The following PAPOLA variants were observed in gnomAD, a reference collection of about 807,000 sequenced individuals.
The protein encoded by PAPOLA is polynucleotide adenylyltransferase alpha.
In PAPOLA, 15 loss-of-function variants were observed where a neutral mutation model predicts 100.6. The ratio of observed to expected loss-of-function variants is 0.15; its 90% CI spans 0.10 to 0.23. The LOEUF (loss-of-function observed/expected upper bound fraction) is 0.23, where lower values mean the gene tolerates loss of function less well. PAPOLA is among the 10% of genes least tolerant of loss of function. PAPOLA has a pLI of 1.00. For synonymous variants in PAPOLA, 293 were observed against 300.0 expected (o/e 0.98, Z 0.24); for missense variants, 533 against 884.2 (o/e 0.60, Z 5.04).
chr14:96,520,340 C>A, intron 2 of PAPOLA, 112 bp downstream of exon 2: 2 of 773,130 alleles, frequency 2.6e-6, no homozygotes, highest in Non-Finnish European at 4.1e-6. Context: ...TTGCCCAGAT[C>A]TATATATCTG....
At chr14:96,535,003 T>A in intron 10 of PAPOLA, 1 of 980,922 alleles carries the variant, frequency 1.0e-6, no homozygotes, top group Non-Finnish European at 1.2e-6. Context: ...TCACTTTAAT[T>A]ACCATGATGT....
Position 96,520,096 on chromosome 14 carries a change from A to C in PAPOLA, c.50A>C (p.Gln17Pro). ...TQGSQQTQPP[Q>P]KHYGITSPIS... ...GGATCACAACAAACACAACCGCCAC[A>C]GAAGCACTATGGCATTACTTCTCCT... Residue 17 changes from glutamine to proline, a missense_variant, in exon 2 of 22, where the codon CAG becomes CCG. Gln to Pro is a moderately conservative substitution (Grantham distance 76, BLOSUM62 -1). Coordinates refer to ENST00000216277, the MANE Select transcript of PAPOLA (RefSeq NM_032632.5). 4 of 1,614,064 alleles carry C rather than the reference A, an allele frequency of 2.5e-6. No homozygotes were observed. The highest frequency in any genetic ancestry group is 3.4e-6 in the Non-Finnish European group (4 of 1,179,970).
chr14:96,564,958 A>C lies in PAPOLA; in HGVS notation c.2146A>C (p.Thr716Pro). 1.3e-6 allele frequency: 2 copies of C among 1,514,234 alleles called. No homozygotes were observed. The highest frequency in any genetic ancestry group is 1.8e-6 in the Non-Finnish European group (2 of 1,089,378). The allele number at this position is 1,514,234 out of a possible 1,614,324, so 93.8% of individuals were successfully genotyped here. A position where few individuals can be genotyped will look rare whatever the true frequency, so the allele number is the denominator to read the frequency against. ...TAASLLASQK[T>P]SSTDLSDIPA... Reference sequence around the variant, plus strand: ...TGTTCTTTGCTTTCATTCTCAGAAAACATCCAGTACAGACCTTTCTGATAT... The same window carrying C: ...TGTTCTTTGCTTTCATTCTCAGAAACCATCCAGTACAGACCTTTCTGATAT... Residue 716 changes from threonine to proline, a missense_variant, in exon 22 of 22, where the codon ACA becomes CCA. Physicochemically the swap from Thr to Pro is conservative, Grantham distance 38 (BLOSUM62 -1). This residue lies in a region of PAPOLA where 242 missense variants were observed against 281.0 expected (regional missense o/e 0.86). Coordinates refer to ENST00000216277, the MANE Select transcript of PAPOLA (RefSeq NM_032632.5).
At chr14:96,539,242 G>C (rs1899782015) in intron 12 of PAPOLA, among the ~76,000 whole-genome samples, 1 of 152,086 alleles carries the variant, frequency 6.6e-6, no homozygotes, top group Non-Finnish European at 1.5e-5. Context: ...GGTGCAAGAT[G>C]ATTTTATAAT....
At chr14:96,515,943 G>T (rs1197718930) in intron 1 of PAPOLA, among the ~76,000 whole-genome samples, 1 of 152,232 alleles carries the variant, frequency 6.6e-6, no homozygotes, top group East Asian at 1.9e-4. Context: ...GCTGTCTGGT[G>T]TATGGTTCCA....
intron 17 of PAPOLA, chr14:96,552,860 T>C (rs1595553091): frequency 2.1e-6 from 1 of 475,528 alleles, no homozygotes; most frequent in South Asian, 2.6e-5. Context: ...TGAATGAATG[T>C]TAGCACATAA....
chr14:96,539,022 A>T (rs1164023940), intron 12 of PAPOLA, among the ~76,000 whole-genome samples: 1 of 152,136 alleles, frequency 6.6e-6, no homozygotes, highest in African/African-American at 2.4e-5. Context: ...AAGACTTATC[A>T]GTGTTCCTCA....
At chr14:96,513,008 C>T (rs1352654886) in intron 1 of PAPOLA, among the ~76,000 whole-genome samples, 3 of 152,188 alleles carry the variant, frequency 2.0e-5, no homozygotes, top group African/African-American at 7.2e-5. Context: ...GGTCTGTCTT[C>T]CAGTCTTTGC....
At chr14:96,514,218 G>T (rs1487141360) in intron 1 of PAPOLA, among the ~76,000 whole-genome samples, 7 of 141,146 alleles carry the variant, frequency 5.0e-5, no homozygotes, top group Admixed American at 3.7e-4. Context: ...CTGTTCTGTT[G>T]CCCAGGCTGG....
intron 12 of PAPOLA, among the ~76,000 whole-genome samples, chr14:96,539,555 TTAAC>T (rs1002093869): frequency 2.6e-5 from 4 of 152,162 alleles, no homozygotes; most frequent in Non-Finnish European, 4.4e-5. Context: ...AAATTTATTT[TTAAC>T]TATGTTTTTA....
intron 11 of PAPOLA, 170 bp from the exon 12 acceptor site, chr14:96,536,806 A>T (rs536589659): frequency 1.3e-4 from 57 of 438,496 alleles, no homozygotes; most frequent in East Asian, 4.9e-4. Context: ...CTTTTTAAAA[A>T]AAAAATGTGT....
chr14:96,547,159 T>A lies in PAPOLA; in HGVS notation c.1400-638T>A, dbSNP rs77168240. On this transcript the variant is annotated intron_variant, in intron 15 of 21. Transcript: ENST00000216277. Reference sequence around the variant, plus strand: ...TACGTTGGTCTTTGTTCACTGCTTATCTCCAGTGTCTAGGACAATATGAAT... The same window carrying A: ...TACGTTGGTCTTTGTTCACTGCTTAACTCCAGTGTCTAGGACAATATGAAT... Among the ~76,000 whole-genome samples, 123 of 152,308 alleles carry A rather than the reference T, an allele frequency of 8.1e-4. 1 individual carries two copies. In the East Asian group the frequency reaches 0.012, roughly 15 times the overall value.
chr14:96,557,242 A>T (rs1901416726), intron 19 of PAPOLA, among the ~76,000 whole-genome samples: 1 of 151,984 alleles, frequency 6.6e-6, no homozygotes, highest in Non-Finnish European at 1.5e-5. Context: ...GTAAAGACAG[A>T]GTCTTGCTAT....
At chr14:96,508,880 G>A (rs1232401613) in intron 1 of PAPOLA, among the ~76,000 whole-genome samples, 1 of 152,188 alleles carries the variant, frequency 6.6e-6, no homozygotes, top group African/African-American at 2.4e-5. Context: ...GGTTAAAGTT[G>A]AGGCTCAAAA....
intron 12 of PAPOLA, among the ~76,000 whole-genome samples, chr14:96,541,275 T>C (rs571043128): frequency 6.6e-6 from 1 of 152,362 alleles, no homozygotes; most frequent in East Asian, 1.9e-4. Flanking sequence ...GGTTAGAAAC[T>C]ATACTTATAA....
chr14:96,502,452 G>A lies in PAPOLA; in HGVS notation c.-141G>A, dbSNP rs1431948574. The A allele has an allele frequency of 5.6e-6, 4 of 712,432 alleles. No individual in the cohort carries two copies. Among genetic ancestry groups the A allele is most frequent in the Non-Finnish European group, 1.0e-5 (4 of 399,030 alleles). The allele number at this position is 712,432 out of a possible 1,614,324, so 44.1% of individuals were successfully genotyped here. On this transcript the variant is annotated 5_prime_UTR_variant, in exon 1 of 22. Transcript: ENST00000216277. ...GGAAGGAGGAGAAGCGCTTAAAGCG[G>A]CGGGAGCGGTGCGGGAGAGGGGTTG...
In PAPOLA at chr14:96,556,206, C is replaced by T. The variant is rs755450673; in HGVS notation, c.1797C>T (p.Ala599=). Residue 599 remains alanine, a synonymous_variant, in exon 19 of 22, where the codon GCC becomes GCT. Coordinates refer to ENST00000216277, the MANE Select transcript of PAPOLA (RefSeq NM_032632.5). ...GTSSESIPQT[A]TQPAISPPPK... is the part of the protein sequence containing the mutation. ...CGAGTGAAAGCATTCCTCAAACTGC[C>T]ACACAACCAGCCATTTCTCCACCAC... 6.2e-7 allele frequency: 1 copy of T among 1,613,980 alleles called. No homozygotes were observed. The highest frequency in any genetic ancestry group is 1.1e-5 in the South Asian group (1 of 91,058).
rs992730119 is a variant in PAPOLA at position 96,536,794 on chromosome 14, A to C, written c.1031-182A>C. 11 of 429,702 alleles carry C rather than the reference A, an allele frequency of 2.6e-5. No homozygotes were observed. In the Admixed American group the frequency reaches 4.1e-4, roughly 16 times the overall value. 26.6% of individuals were successfully genotyped at this position (429,702 alleles called of 1,614,324 possible). ...AAACCTGGTTCTCAAAAAATCTTCC[A>C]GCTTTTTAAAAAAAAAATGTGTATA... On this transcript the variant is annotated intron_variant, in intron 11 of 21. Coordinates refer to ENST00000216277, the MANE Select transcript of PAPOLA (RefSeq NM_032632.5).
At chr14:96,508,206 T>A (rs565263870) in intron 1 of PAPOLA, among the ~76,000 whole-genome samples, 120 of 152,304 alleles carry the variant, frequency 7.9e-4, no homozygotes, top group Non-Finnish European at 1.4e-3. Flanking sequence ...GGTGGTTTTC[T>A]GAACACTGCA....
Sources: gnomAD v4.1 joint callset for allele counts (sites outside exome capture counted in the v4.1 genomes callset) on GRCh38, gnomAD v4.1.1 for gene constraint, gnomAD v4.1.1 regional missense constraint, MANE v1.5 for transcripts, NCBI Gene and HGNC (gene_info 2026-07-23, HGNC 2026-07-21) for gene names.